The following ACACB variants were observed in gnomAD, a reference collection of about 807,000 sequenced individuals.
ACACB encodes acetyl-CoA carboxylase beta.
In ACACB, 209 loss-of-function variants were observed where a neutral mutation model predicts 278.8. That is an observed-to-expected ratio of 0.75 (90% confidence interval 0.67 to 0.84). ACACB has a LOEUF of 0.84. Among genes scored for constraint, ACACB ranks in the 40% least tolerant of loss-of-function variants. ACACB has a pLI of 0.00. For missense variants in ACACB, 2,850 were observed against 3,269.0 expected, an observed-to-expected ratio of 0.87 and a Z score of 3.13; for synonymous variants, 1,174 against 1,285.6, an observed-to-expected ratio of 0.91 and a Z score of 1.86.
chr12:109,145,259 A>C (rs560404331), intron 2 of ACACB, among the ~76,000 whole-genome samples: 1 of 152,190 alleles, frequency 6.6e-6, no homozygotes, highest in Non-Finnish European at 1.5e-5. Context: ...TGTAGGGGCT[A>C]AGCACAGGAG....
In ACACB at chr12:109,179,270, G is replaced by A. The variant is rs761633733; in HGVS notation, c.1620G>A (p.Pro540=). The change falls in exon 10 of 53, where the codon CCG becomes CCA. Residue 540 remains proline, a synonymous_variant. Transcript: ENST00000338432. ...IVEEAPATIA[P]LAIFEFMEQC... is the part of the protein sequence containing the mutation. The stretch of plus-strand genomic sequence containing the variant: ...AGGAAGCACCGGCCACCATCGCCCC[G>A]CTGGCCATATTCGAGTTCATGGAGC... The A allele has an allele frequency of 5.6e-5, 91 of 1,613,490 alleles. No homozygotes were observed. The highest frequency in any genetic ancestry group is 3.3e-4 in the Admixed American group (20 of 59,964).
chr12:109,141,056 C>T (rs2043111215), intron 2 of ACACB, among the ~76,000 whole-genome samples: 1 of 151,896 alleles, frequency 6.6e-6, no homozygotes, highest in African/African-American at 2.4e-5. Context: ...TGTGCACCAC[C>T]ACACCTAGCT....
intron 31 of ACACB, among the ~76,000 whole-genome samples, chr12:109,234,935 GAAAA>G (rs71443847): frequency 6.6e-6 from 1 of 150,802 alleles, no homozygotes; most frequent in South Asian, 2.1e-4. Flanking sequence ...GAAGAAATAA[GAAAA>G]AAAGTGTACA....
At chr12:109,160,413 G>A (rs1021263957) in intron 2 of ACACB, among the ~76,000 whole-genome samples, 1 of 152,170 alleles carries the variant, frequency 6.6e-6, no homozygotes, top group Non-Finnish European at 1.5e-5. Flanking sequence ...TTCACTGAGA[G>A]GCCCCCTGTG....
intron 1 of ACACB, among the ~76,000 whole-genome samples, chr12:109,132,585 A>G (rs1298105156): frequency 6.6e-6 from 1 of 152,174 alleles, no homozygotes; most frequent in Non-Finnish European, 1.5e-5. Flanking sequence ...TGTTATGCAG[A>G]GAGCAGCAGT....
At chr12:109,170,804 T>TA (rs1164297215) in intron 4 of ACACB, among the ~76,000 whole-genome samples, 2 of 150,076 alleles carry the variant, frequency 1.3e-5, no homozygotes, top group Admixed American at 6.7e-5. Flanking sequence ...TTTTTTTTTT[T>TA]ACCATAATTT....
Position 109,212,939 on chromosome 12 carries a change from G to A in ACACB, c.3350+3G>A. On this transcript the variant is annotated splice_donor_region_variant and intron_variant, in intron 22 of 52. Transcript: ENST00000338432. Reference sequence around the variant, plus strand: ...AGCATCGTGCAGTTGGTCCAGAGGTGAATCCTGGGTCTCCCCGTAGGATGT... The same window carrying A: ...AGCATCGTGCAGTTGGTCCAGAGGTAAATCCTGGGTCTCCCCGTAGGATGT... The A allele has an allele frequency of 6.2e-7, 1 of 1,612,754 alleles. No homozygotes were observed. Among genetic ancestry groups the A allele is most frequent in the South Asian group, 1.1e-5 (1 of 91,024 alleles).
intron 37 of ACACB, among the ~76,000 whole-genome samples, chr12:109,243,213 C>G (rs1261686547): frequency 6.6e-6 from 1 of 152,060 alleles, no homozygotes; most frequent in Non-Finnish European, 1.5e-5. Flanking sequence ...TATTAAGTAC[C>G]TGCTACTTAC....
intron 2 of ACACB, among the ~76,000 whole-genome samples, chr12:109,147,049 G>A (rs551483532): frequency 9.3e-4 from 142 of 152,124 alleles, no homozygotes; most frequent in African/African-American, 3.2e-3. Context: ...TTCTGTAGCC[G>A]GTCCTGCCTC....
chr12:109,192,804 G>A (rs956680756), intron 15 of ACACB, among the ~76,000 whole-genome samples: 2 of 151,956 alleles, frequency 1.3e-5, no homozygotes, highest in Non-Finnish European at 2.9e-5. Flanking sequence ...TGGGACCACC[G>A]GTGCATGCCA....
At chr12:109,234,107 C>T (rs1292281672) in intron 31 of ACACB, 62 bp downstream of exon 31, 5 of 1,398,036 alleles carry the variant, frequency 3.6e-6, no homozygotes, top group East Asian at 2.5e-5. Flanking sequence ...GGGCTGGGCT[C>T]GTCGAGGCGG....
chr12:109,250,137 A>G (rs779344896), intron 41 of ACACB, 33 bp downstream of exon 41: 1 of 1,549,958 alleles, frequency 6.5e-7, no homozygotes, highest in Non-Finnish European at 8.7e-7. Flanking sequence ...TTACTTTTCA[A>G]CTTTCCATTA....
chr12:109,161,538 G>A (rs2043722050), intron 2 of ACACB, among the ~76,000 whole-genome samples: 1 of 151,812 alleles, frequency 6.6e-6, no homozygotes, highest in Admixed American at 6.6e-5. Flanking sequence ...GTGAGACGCA[G>A]TCTCAGAAAA....
Position 109,140,890 on chromosome 12 carries a change from C to CTTTTTTTTTTT in ACACB, c.653+846_653+856dup, listed in dbSNP as rs386377714. Among the ~76,000 whole-genome samples, 15 of 86,756 alleles carry CTTTTTTTTTTT rather than the reference C, an allele frequency of 1.7e-4. 2 individuals carry two copies. The highest frequency in any genetic ancestry group is 3.0e-4 in the Non-Finnish European group (13 of 43,290). 56.9% of individuals were successfully genotyped at this position (86,756 alleles called of 152,430 possible). A position where few individuals can be genotyped will look rare whatever the true frequency, so the allele number is the denominator to read the frequency against. On this transcript the variant is annotated intron_variant, in intron 2 of 52. Transcript: ENST00000338432. Reference sequence around the variant, plus strand: ...CTGAAGAGACATTGATTCATTCATTCTTTTTTTTTTTTTTTTTTTTTTTTG... The same window carrying CTTTTTTTTTTT: ...CTGAAGAGACATTGATTCATTCATTCTTTTTTTTTTTTTTTTTTTTTTTTTTTTTTTTTTTG...
intron 9 of ACACB, among the ~76,000 whole-genome samples, chr12:109,178,834 T>C (rs1410302742): frequency 6.6e-6 from 1 of 152,214 alleles, no homozygotes; most frequent in Admixed American, 6.5e-5. Context: ...TAGCCATCTC[T>C]CGAGCAGTTG....
In ACACB at chr12:109,204,271, C is replaced by CTT. The variant is rs58720572; in HGVS notation, c.2914-2420_2914-2419dup. Among the ~76,000 whole-genome samples, 118 of 93,134 alleles carry CTT rather than the reference C, an allele frequency of 1.3e-3. 1 individual carries two copies. Among genetic ancestry groups the CTT allele is most frequent in the East Asian group, 5.5e-3 (17 of 3,114 alleles). The allele number at this position is 93,134 out of a possible 152,430, so 61.1% of individuals were successfully genotyped here. A position where few individuals can be genotyped will look rare whatever the true frequency, so the allele number is the denominator to read the frequency against. ...CCCTGTTGTGCTATCAATACTATATCTTTTTTTTTTTTTTTTTTTTGAGAT... is the reference window on the plus strand; with the variant it reads ...CCCTGTTGTGCTATCAATACTATATCTTTTTTTTTTTTTTTTTTTTTTGAGAT... On this transcript the variant is annotated intron_variant, in intron 19 of 52. Coordinates refer to ENST00000338432, the MANE Select transcript of ACACB (RefSeq NM_001093.4).
At chr12:109,172,418 C>A in intron 6 of ACACB, 62 bp downstream of exon 6, 2 of 1,498,044 alleles carry the variant, frequency 1.3e-6, no homozygotes, top group South Asian at 2.3e-5. Context: ...TCTGCTGGGT[C>A]TGACCCTCTT....
intron 11 of ACACB, 68 bp from the exon 12 acceptor site, chr12:109,185,511 G>A (rs2044622289): frequency 1.3e-6 from 2 of 1,561,816 alleles, no homozygotes; most frequent in Non-Finnish European, 1.8e-6. Context: ...ATCTACCACT[G>A]TGCCTGGTGT....
intron 11 of ACACB, among the ~76,000 whole-genome samples, chr12:109,183,183 G>T (rs1238887004): frequency 6.6e-6 from 1 of 152,064 alleles, no homozygotes; most frequent in African/African-American, 2.4e-5. Flanking sequence ...GGTTACTGTA[G>T]CTCTGTAATA....
Sources: gnomAD v4.1 joint callset for allele counts (sites outside exome capture counted in the v4.1 genomes callset) on GRCh38, gnomAD v4.1.1 for gene constraint, MANE v1.5 for transcripts, NCBI Gene and HGNC (gene_info 2026-07-23, HGNC 2026-07-21) for gene names.